The following HAGH variants were observed in gnomAD, a reference collection of about 807,000 sequenced individuals.
HAGH encodes hydroxyacylglutathione hydrolase, mitochondrial.
HAGH carries 29 observed loss-of-function variants against 35.1 expected under a neutral mutation model. That is an observed-to-expected ratio of 0.83 (90% CI 0.62 to 1.13). The LOEUF (loss-of-function observed/expected upper bound fraction) is 1.13, where lower values mean the gene tolerates loss of function less well. HAGH is among the 50% of genes most tolerant of loss of function. HAGH has a pLI of 0.00. For missense variants in HAGH, 478 were observed against 419.6 expected (o/e 1.14, Z -1.22); for synonymous variants, 225 against 176.1 (o/e 1.28, Z -2.20).
intron 6 of HAGH, 46 bp downstream of exon 6, chr16:1,817,122 T>C: frequency 7.0e-7 from 1 of 1,423,002 alleles, no homozygotes; most frequent in Non-Finnish European, 9.9e-7. Context: ...AGCCCCGCCC[T>C]GGTTAAGGCC....
intron 3 of HAGH, among the ~76,000 whole-genome samples, chr16:1,820,402 G>A (rs911264350): frequency 1.3e-5 from 2 of 152,142 alleles, no homozygotes; most frequent in Non-Finnish European, 2.9e-5. Context: ...ATGGCCTGGG[G>A]GTGGATTTTT....
intron 1 of HAGH, chr16:1,826,497 C>T: frequency 7.4e-6 from 7 of 940,172 alleles, no homozygotes; most frequent in Non-Finnish European, 8.8e-6. Flanking sequence ...GCAGGCCTGG[C>T]CCTGCTTACC....
intron 7 of HAGH, among the ~76,000 whole-genome samples, chr16:1,816,524 C>G (rs1021180550): frequency 6.6e-6 from 1 of 152,128 alleles, no homozygotes; most frequent in Non-Finnish European, 1.5e-5. Context: ...GCCTGGGCTA[C>G]GCCATGGAGG....
chr16:1,816,315 T>C lies in HAGH; in HGVS notation c.747+578A>G, dbSNP rs998199387. Among the ~76,000 whole-genome samples the C allele has an allele frequency of 6.6e-5, 10 of 151,704 alleles. 1 individual carries two copies. The highest frequency in any genetic ancestry group is 5.2e-4 in the Admixed American group (8 of 15,246). On this transcript the variant is annotated intron_variant, in intron 7 of 8. Transcript: ENST00000397356. ...TAATGTTAACCTCTACTCTAAGAAA[T>C]TGAAAAAGATGCTCAAAAAACCGGG...
chr16:1,817,336 G>A lies in HAGH; in HGVS notation c.542-65C>T, dbSNP rs772818662. 28 of 1,019,934 alleles carry A rather than the reference G, an allele frequency of 2.7e-5. No individual in the cohort carries two copies. In the African/African-American group the frequency reaches 3.8e-4, roughly 14 times the overall value. 63.2% of individuals were successfully genotyped at this position (1,019,934 alleles called of 1,614,324 possible). ...GCTGGTGGCTAGGACTCAGGAGGGG[G>A]CCAGGAGCAGGGTGACACTCACCGG... On this transcript the variant is annotated intron_variant, in intron 5 of 8. Coordinates refer to ENST00000397356, the MANE Select transcript of HAGH (RefSeq NM_005326.6).
rs780559609 is a variant in HAGH at position 1,816,893 on chromosome 16, C to G, written c.747G>C (p.Lys249Asn). 1.2e-6 allele frequency: 2 copies of G among 1,606,884 alleles called. No individual in the cohort carries two copies. Among genetic ancestry groups the G allele is most frequent in the South Asian group, 1.1e-5 (1 of 90,962 alleles). ...AAIREKLAWAKEKYSIGEPTV... is the reference protein window; with the variant it reads ...AAIREKLAWANEKYSIGEPTV... Reference sequence around the variant, plus strand: ...ACTGCGCAGTGACGGCCCCACTCACCTTGGCCCAGGCCAGCTTCTCCCGGA... The same window carrying G: ...ACTGCGCAGTGACGGCCCCACTCACGTTGGCCCAGGCCAGCTTCTCCCGGA... The change falls in exon 7 of 9, where the codon AAG (lysine) becomes AAC (asparagine). Residue 249 changes from lysine (K) to asparagine (N), a missense_variant and splice_region_variant. Lys to Asn is a moderately conservative substitution (Grantham distance 94, BLOSUM62 0). Coordinates refer to ENST00000397356, the MANE Select transcript of HAGH (RefSeq NM_005326.6).
upstream of HAGH, chr16:1,826,864 C>A: frequency 1.1e-6 from 1 of 927,386 alleles, no homozygotes; most frequent in South Asian, 3.8e-5. Flanking sequence ...CCAATCAGCG[C>A]CCGCCTCGCG....
At chr16:1,816,502 T>C (rs1897899871) in intron 7 of HAGH, among the ~76,000 whole-genome samples, 2 of 152,240 alleles carry the variant, frequency 1.3e-5, no homozygotes, top group East Asian at 1.9e-4. Flanking sequence ...CTGGCAGACT[T>C]TGGCCCAGCT....
intron 1 of HAGH, among the ~76,000 whole-genome samples, chr16:1,826,248 C>T (rs749878188): frequency 4.6e-5 from 7 of 151,676 alleles, no homozygotes; most frequent in Admixed American, 4.6e-4. Context: ...CACGCCGGGT[C>T]CCCAGACGGG....
chr16:1,810,117 G>A (rs1596907203), intron 7 of HAGH: 2 of 410,912 alleles, frequency 4.9e-6, no homozygotes, highest in Admixed American at 7.5e-5. Flanking sequence ...AGCCAAGACT[G>A]TGCTACTGCC....
At chr16:1,812,890 CCGTGTGGTGTGCCGAAAGACA>C (rs1897724129) in intron 7 of HAGH, among the ~76,000 whole-genome samples, 1 of 150,586 alleles carries the variant, frequency 6.6e-6, no homozygotes, top group Non-Finnish European at 1.5e-5. Flanking sequence ...GCTGGCTCCA[CCGTGTGGTGTGCCGAAAGACA>C]CGGACCAGCT....
upstream of HAGH, chr16:1,826,954 G>C (rs906148726): frequency 3.7e-5 from 23 of 618,108 alleles, no homozygotes; most frequent in Non-Finnish European, 5.4e-5. Context: ...TTTTGTCCGC[G>C]AGCCCCGACT....
At position 1,814,930 on chromosome 16, in the gene HAGH, T is replaced by TATACAC. The variant is rs1555467327; in HGVS notation, c.747+1962_747+1963insGTGTAT. On this transcript the variant is annotated intron_variant, in intron 7 of 8. Transcript: ENST00000397356. The stretch of plus-strand genomic sequence containing the variant: ...AAACAAATAAATATATATATGTATA[T>TATACAC]ACACACACACACACACACACACACA... 2.2e-4 allele frequency among the ~76,000 whole-genome samples: 31 copies of TATACAC among 140,732 alleles called. No homozygotes were observed. The East Asian group carries it at 3.7e-3, about 17-fold the overall frequency. 92.3% of individuals were successfully genotyped at this position (140,732 alleles called of 152,430 possible). A position where few individuals can be genotyped will look rare whatever the true frequency, so the allele number is the denominator to read the frequency against.
Position 1,816,954 on chromosome 16 carries a change from T to A in HAGH, c.686A>T (p.Lys229Met), listed in dbSNP as rs761302505. The A allele has an allele frequency of 6.2e-7, 1 of 1,613,784 alleles. No individual in the cohort carries two copies. The highest frequency in any genetic ancestry group is 8.5e-7 in the Non-Finnish European group (1 of 1,179,738). ...CGHEYTINNL[K>M]FARHVEPGNA... ...GCCGGGCTCCACGTGGCGTGCAAAC[T>A]TGAGGTTGTTGATGGTGTACTCGTG... Residue 229 changes from lysine (K) to methionine (M), a missense_variant, in exon 7 of 9, where the codon AAG becomes ATG. Lys to Met is a moderately conservative substitution (Grantham distance 95, BLOSUM62 -1). Transcript: ENST00000397356.
At chr16:1,819,449 G>GT (rs1898048902) in intron 4 of HAGH, among the ~76,000 whole-genome samples, 1 of 152,204 alleles carries the variant, frequency 6.6e-6, no homozygotes, top group South Asian at 2.1e-4. Flanking sequence ...AAAACCAAGG[G>GT]GCTTGTTTCC....
At chr16:1,819,825 G>T in intron 4 of HAGH, 72 bp downstream of exon 4, 1 of 900,540 alleles carries the variant, frequency 1.1e-6, no homozygotes, top group Non-Finnish European at 1.9e-6. Context: ...CAGAGAGAAT[G>T]CGGGGAGGGA....
At chr16:1,824,393 G>A (rs1304804818) in intron 1 of HAGH, among the ~76,000 whole-genome samples, 3 of 152,202 alleles carry the variant, frequency 2.0e-5, no homozygotes, top group Non-Finnish European at 4.4e-5. Context: ...TGCCACAGGG[G>A]CCCAGAAGGC....
In HAGH at chr16:1,817,013, G is replaced by T; in HGVS notation, c.646-19C>A. The T allele has an allele frequency of 6.4e-7, 1 of 1,557,168 alleles. No individual in the cohort carries two copies. The highest frequency in any genetic ancestry group is 8.9e-7 in the Non-Finnish European group (1 of 1,128,172). On this transcript the variant is annotated intron_variant, in intron 6 of 8. Transcript: ENST00000397356. The stretch of plus-strand genomic sequence containing the variant: ...AGACTCTCTGAGGAGAGAGGTGACA[G>T]GTGAGCTCGGAAGGCTGTTACCACC...
At chr16:1,809,885 C>T (rs1897561323) in intron 7 of HAGH, 52 bp from the exon 8 acceptor site, 2 of 1,374,620 alleles carry the variant, frequency 1.5e-6, no homozygotes, top group South Asian at 2.3e-5. Flanking sequence ...GATGGCAGAC[C>T]AGGCACGGAG....
Sources: allele counts gnomAD v4.1 joint callset (sites outside exome capture counted in the v4.1 genomes callset), GRCh38; gene constraint gnomAD v4.1.1; transcripts MANE v1.5; gene names NCBI Gene and HGNC (gene_info 2026-07-23, HGNC 2026-07-21).